Variants in HECW1 observed in about 807,000 individuals in gnomAD.
The protein encoded by HECW1 is HECT, C2 and WW domain containing E3 ubiquitin protein ligase 1, also known as E3 ubiquitin-protein ligase HECW1.
Under a neutral mutation model 182.3 loss-of-function variants are expected in HECW1, and 61 were observed. That is an observed-to-expected ratio of 0.33 (90% CI 0.27 to 0.41). The LOEUF is 0.41. HECW1 is among the 10% of genes least tolerant of loss of function. The probability of loss-of-function intolerance (pLI) is 1.00; values close to 1 mark genes in which losing one functional copy is unlikely to be tolerated. For missense variants in HECW1, 1,739 were observed against 2,108.9 expected, an observed-to-expected ratio of 0.82 and a Z score of 3.44; for synonymous variants, 859 against 832.6, an observed-to-expected ratio of 1.03 and a Z score of -0.55.
intron 26 of HECW1, among the ~76,000 whole-genome samples, chr7:43,542,469 T>C (rs1306787935): frequency 6.6e-6 from 1 of 151,422 alleles, no homozygotes; most frequent in African/African-American, 2.4e-5. Flanking sequence ...TTTATATGTA[T>C]ATAAAATATT....
chr7:43,218,803 G>A (rs1796675784), intron 2 of HECW1, among the ~76,000 whole-genome samples: 1 of 152,204 alleles, frequency 6.6e-6, no homozygotes, highest in African/African-American at 2.4e-5. Context: ...GGAGGAACAT[G>A]AGGGCTCTTG....
At chr7:43,133,602 AT>A (rs1369066439) in intron 2 of HECW1, among the ~76,000 whole-genome samples, 2 of 151,546 alleles carry the variant, frequency 1.3e-5, no homozygotes, top group African/African-American at 4.8e-5. Context: ...TTGTTTTTAC[AT>A]TTTATATTTC....
chr7:43,224,849 A>G (rs1205126988), intron 2 of HECW1, among the ~76,000 whole-genome samples: 1 of 152,214 alleles, frequency 6.6e-6, no homozygotes, highest in East Asian at 1.9e-4. Flanking sequence ...CCACGTAGGA[A>G]GTGTCTCTGG....
At chr7:43,241,781 T>A (rs1798911460) in intron 2 of HECW1, among the ~76,000 whole-genome samples, 1 of 152,068 alleles carries the variant, frequency 6.6e-6, no homozygotes, top group East Asian at 1.9e-4. Flanking sequence ...TTTTGCAAGA[T>A]AGACATTAAA....
In HECW1 at chr7:43,314,340, T is replaced by G. The variant is rs546889526; in HGVS notation, c.352+2253T>G. On this transcript the variant is annotated intron_variant, in intron 4 of 29. Coordinates refer to ENST00000395891, the MANE Select transcript of HECW1 (RefSeq NM_015052.5). ...AGGGATCCGAGCTAGGGTTGTAGAT[T>G]TGGGATAACAGACACCTTGGGGGTG... is the stretch of plus-strand genomic sequence containing the variant. 4.6e-5 allele frequency among the ~76,000 whole-genome samples: 7 copies of G among 152,200 alleles called. No homozygotes were observed. In the East Asian group the frequency reaches 1.2e-3, roughly 25 times the overall value.
intron 2 of HECW1, among the ~76,000 whole-genome samples, chr7:43,136,302 C>T (rs1787530944): frequency 6.6e-6 from 1 of 152,112 alleles, no homozygotes; most frequent in Non-Finnish European, 1.5e-5. Context: ...GAGTAGCTTC[C>T]CAAAGCTGTT....
chr7:43,205,447 T>C (rs1795379360), intron 2 of HECW1, among the ~76,000 whole-genome samples: 1 of 152,146 alleles, frequency 6.6e-6, no homozygotes, highest in Admixed American at 6.5e-5. Flanking sequence ...TGATGGGAAC[T>C]ATGCTAGTGT....
At chr7:43,319,180 G>A (rs1286693659) in intron 4 of HECW1, among the ~76,000 whole-genome samples, 1 of 151,972 alleles carries the variant, frequency 6.6e-6, no homozygotes, top group Non-Finnish European at 1.5e-5. Flanking sequence ...GAGGTCAGGA[G>A]ATCGAGACCA....
At chr7:43,550,735 T>G in intron 27 of HECW1, 144 bp downstream of exon 27, 1 of 765,992 alleles carries the variant, frequency 1.3e-6, no homozygotes. Context: ...GCTCAGCGAG[T>G]GCTCCTCACC....
At chr7:43,232,490 G>A (rs1411082532) in intron 2 of HECW1, among the ~76,000 whole-genome samples, 1 of 152,166 alleles carries the variant, frequency 6.6e-6, no homozygotes. Context: ...CACAACAAAA[G>A]CTTATTTCTC....
chr7:43,507,932 C>T, intron 22 of HECW1, 86 bp from the exon 23 acceptor site: 1 of 892,686 alleles, frequency 1.1e-6, no homozygotes, highest in Non-Finnish European at 1.8e-6. Flanking sequence ...GGAGTGAGAA[C>T]CTAAACCTGG....
At chr7:43,448,223 C>T (rs982970915) in intron 11 of HECW1, among the ~76,000 whole-genome samples, 2 of 152,178 alleles carry the variant, frequency 1.3e-5, no homozygotes, top group African/African-American at 2.4e-5. Flanking sequence ...AAGGCTGCAA[C>T]AATTTATAGA....
At chr7:43,235,258 C>T (rs1798224244) in intron 2 of HECW1, among the ~76,000 whole-genome samples, 1 of 152,200 alleles carries the variant, frequency 6.6e-6, no homozygotes, top group African/African-American at 2.4e-5. Context: ...AGAGTACCCC[C>T]TGCTCTGAGG....
chr7:43,176,556 A>G (rs1408357174), intron 2 of HECW1, among the ~76,000 whole-genome samples: 1 of 152,194 alleles, frequency 6.6e-6, no homozygotes, highest in Non-Finnish European at 1.5e-5. Flanking sequence ...TGGGGCCTTC[A>G]CACAGTGGGG....
At chr7:43,275,360 TACAC>T (rs797001347) in intron 3 of HECW1, among the ~76,000 whole-genome samples, 32 of 152,228 alleles carry the variant, frequency 2.1e-4, no homozygotes, top group African/African-American at 6.7e-4. Context: ...GGCTGAAAAA[TACAC>T]ATGCATGCAT....
chr7:43,304,613 C>T (rs987866392), intron 3 of HECW1, among the ~76,000 whole-genome samples: 1 of 152,052 alleles, frequency 6.6e-6, no homozygotes, highest in African/African-American at 2.4e-5. Flanking sequence ...GATTCAGCCT[C>T]CTGGGATAGC....
At chr7:43,173,036 C>T (rs1791846751) in intron 2 of HECW1, among the ~76,000 whole-genome samples, 2 of 152,214 alleles carry the variant, frequency 1.3e-5, no homozygotes, top group South Asian at 2.1e-4. Context: ...GAAGCCTCCG[C>T]GTTCAGACAC....
At chr7:43,429,660 G>T (rs1392775145) in intron 8 of HECW1, among the ~76,000 whole-genome samples, 3 of 152,064 alleles carry the variant, frequency 2.0e-5, no homozygotes, top group Non-Finnish European at 4.4e-5. Flanking sequence ...ACATTGCAAG[G>T]TTCTAAGGAA....
chr7:43,327,728 C>A (rs1810974745), intron 5 of HECW1, among the ~76,000 whole-genome samples: 1 of 152,148 alleles, frequency 6.6e-6, no homozygotes, highest in Non-Finnish European at 1.5e-5. Context: ...TAGGCACTCT[C>A]TAGCAGCCCC....
Sources: allele counts gnomAD v4.1 joint callset (sites outside exome capture counted in the v4.1 genomes callset), GRCh38; gene constraint gnomAD v4.1.1; transcripts MANE v1.5; gene names NCBI Gene and HGNC (gene_info 2026-07-23, HGNC 2026-07-21).